The following CEP55 variants were observed in gnomAD, a reference collection of about 807,000 sequenced individuals.
CEP55 encodes centrosomal protein 55.
In CEP55, 57 loss-of-function variants were observed where a neutral mutation model predicts 63.2. The ratio of observed to expected loss-of-function variants is 0.90; its 90% confidence interval spans 0.73 to 1.13. CEP55 has a LOEUF of 1.13. Among genes scored for constraint, CEP55 ranks in the 50% most tolerant of loss-of-function variants. The pLI is 0.00. For missense variants in CEP55, 456 were observed against 518.9 expected, an observed-to-expected ratio of 0.88 and a Z score of 1.18; for synonymous variants, 178 against 191.6, an observed-to-expected ratio of 0.93 and a Z score of 0.59.
intron 4 of CEP55, among the ~76,000 whole-genome samples, chr10:93,508,288 C>T (rs2057708998): frequency 6.6e-6 from 1 of 152,064 alleles, no homozygotes. Context: ...AGTATTAGGT[C>T]AGTATGTTGG....
intron 3 of CEP55, among the ~76,000 whole-genome samples, chr10:93,503,927 G>T (rs2134459920): frequency 6.6e-6 from 1 of 150,932 alleles, no homozygotes; most frequent in East Asian, 1.9e-4. Flanking sequence ...TATAGCCTTA[G>T]AGACAATACT....
chr10:93,503,065 G>T, intron 2 of CEP55, 48 bp from the exon 3 acceptor site: 9 of 1,524,686 alleles, frequency 5.9e-6, no homozygotes, highest in Non-Finnish European at 8.0e-6. Flanking sequence ...TGTTTAGCTA[G>T]ATGTTTGACC....
chr10:93,509,263 T>G (rs1425049789), intron 4 of CEP55, among the ~76,000 whole-genome samples: 1 of 152,172 alleles, frequency 6.6e-6, no homozygotes, highest in Non-Finnish European at 1.5e-5. Context: ...GGTCACATTG[T>G]GCTTGTCTCC....
chr10:93,504,209 A>G (rs2057664715), intron 3 of CEP55, among the ~76,000 whole-genome samples: 1 of 152,210 alleles, frequency 6.6e-6, no homozygotes, highest in African/African-American at 2.4e-5. Context: ...ATGGTGGCTC[A>G]CGCCTATAAT....
intron 8 of CEP55, among the ~76,000 whole-genome samples, chr10:93,521,807 C>T (rs971998973): frequency 3.3e-5 from 5 of 152,210 alleles, no homozygotes; most frequent in Non-Finnish European, 5.9e-5. Context: ...TGTTCTGCAG[C>T]CTCCGCTGCT....
At chr10:93,508,621 C>T (rs1235828471) in intron 4 of CEP55, among the ~76,000 whole-genome samples, 1 of 152,178 alleles carries the variant, frequency 6.6e-6, no homozygotes, top group Non-Finnish European at 1.5e-5. Flanking sequence ...TTATTTACTC[C>T]ACCTGCACCA....
Position 93,527,977 on chromosome 10 carries a change from G to A in CEP55, c.1219G>A (p.Glu407Lys). 6.2e-7 allele frequency: 1 copy of A among 1,613,696 alleles called. No homozygotes were observed. Among genetic ancestry groups the A allele is most frequent in the African/African-American group, 1.3e-5 (1 of 74,910 alleles). The change falls in exon 9 of 9, where the codon GAG (glutamate) becomes AAG (lysine). Residue 407 changes from glutamate (E) to lysine (K), a missense_variant. By Grantham distance (56) the Glu-to-Lys change is moderately conservative. Coordinates refer to ENST00000371485, the MANE Select transcript of CEP55 (RefSeq NM_018131.5). The stretch of plus-strand genomic sequence containing the variant: ...ACAGCTTCATGAGTTTGCCATCACA[G>A]AGCCATTAGTCACTTTCCAAGGAGA... ...LKQLHEFAITEPLVTFQGETE... is the reference protein window; with the variant it reads ...LKQLHEFAITKPLVTFQGETE...
intron 8 of CEP55, among the ~76,000 whole-genome samples, chr10:93,525,912 C>G (rs1349005142): frequency 2.0e-5 from 3 of 152,090 alleles, no homozygotes; most frequent in Non-Finnish European, 2.9e-5. Context: ...GGATCCCTTC[C>G]TTACACCTTA....
chr10:93,523,014 G>GA (rs1179506595), intron 8 of CEP55, among the ~76,000 whole-genome samples: 1 of 152,156 alleles, frequency 6.6e-6, no homozygotes, highest in Non-Finnish European at 1.5e-5. Context: ...TCGAGGCTAG[G>GA]AAAAAACTGC....
chr10:93,501,096 A>G (rs2057631029), intron 2 of CEP55, among the ~76,000 whole-genome samples: 1 of 152,222 alleles, frequency 6.6e-6, no homozygotes, highest in African/African-American at 2.4e-5. Flanking sequence ...TGTCCATTTC[A>G]GAGTATTAAA....
chr10:93,499,763 ACCCATCTTGACC>A (rs962008200), intron 1 of CEP55, among the ~76,000 whole-genome samples: 2 of 151,544 alleles, frequency 1.3e-5, no homozygotes, highest in Non-Finnish European at 2.9e-5. Context: ...CTCATGATCC[ACCCATCTTGACC>A]TCCCAAAGTG....
rs917708091 is a variant in CEP55 at position 93,506,899 on chromosome 10, G to A, written c.460-89G>A. The A allele has an allele frequency of 9.5e-5, 83 of 873,170 alleles. 1 individual carries two copies. The highest frequency in any genetic ancestry group is 6.6e-5 in the South Asian group (5 of 75,450). The allele number at this position is 873,170 out of a possible 1,614,324, so 54.1% of individuals were successfully genotyped here. On this transcript the variant is annotated intron_variant, in intron 3 of 8. Coordinates refer to ENST00000371485, the MANE Select transcript of CEP55 (RefSeq NM_018131.5). ...TAGATCTGGATTTCGGGATGCCCCC[G>A]TGAGTTATACTGTATTATTATGGTG... is the stretch of plus-strand genomic sequence containing the variant.
rs753598562 is a variant in CEP55 at position 93,503,300 on chromosome 10, A to G, written c.371A>G (p.Glu124Gly). The G allele has an allele frequency of 2.0e-5, 32 of 1,614,104 alleles. No homozygotes were observed. The highest frequency in any genetic ancestry group is 2.4e-5 in the Non-Finnish European group (28 of 1,180,044). ...REQVLKALSEEKDVLKQQLSA... is the reference protein window; with the variant it reads ...REQVLKALSEGKDVLKQQLSA... ...CAGGTGTTGAAAGCCTTATCTGAAG[A>G]GAAAGACGTATTGAAACAACAGTTG... Residue 124 changes from glutamate (E) to glycine (G), a missense_variant, in exon 3 of 9, where the codon GAG becomes GGG. Coordinates refer to ENST00000371485, the MANE Select transcript of CEP55 (RefSeq NM_018131.5).
chr10:93,497,458 G>A (rs1183490868), intron 1 of CEP55, among the ~76,000 whole-genome samples: 1 of 151,810 alleles, frequency 6.6e-6, no homozygotes, highest in Non-Finnish European at 1.5e-5. Context: ...TAGAGACAGG[G>A]TTTCGCCATG....
At chr10:93,503,486 G>T in intron 3 of CEP55, 98 bp downstream of exon 3, 2 of 1,192,468 alleles carry the variant, frequency 1.7e-6, no homozygotes, top group South Asian at 3.0e-5. Context: ...CTTCCCAAAT[G>T]ATGAGACAAA....
In CEP55 at chr10:93,514,772, T is replaced by G. The variant is rs1452465892; in HGVS notation, c.529-633T>G. ...ATGCAGCTGGGCAGAGATCCTCTTT[T>G]TTTTGTTTGTTTTTTTGAGAGACGC... On this transcript the variant is annotated intron_variant, in intron 4 of 8. Transcript: ENST00000371485. Among the ~76,000 whole-genome samples, 5 of 152,216 alleles carry G rather than the reference T, an allele frequency of 3.3e-5. No homozygotes were observed. In the East Asian group the frequency reaches 9.7e-4, roughly 29 times the overall value.
At chr10:93,519,388 T>G (rs2134489153) in intron 7 of CEP55, among the ~76,000 whole-genome samples, 1 of 152,330 alleles carries the variant, frequency 6.6e-6, no homozygotes, top group East Asian at 1.9e-4. Context: ...TCTCTTTCCC[T>G]TCTCCTTCTT....
chr10:93,527,909 G>T, intron 8 of CEP55, 41 bp from the exon 9 acceptor site: 4 of 1,522,034 alleles, frequency 2.6e-6, no homozygotes, highest in Admixed American at 1.8e-5. Flanking sequence ...CTGAACATTG[G>T]CCCTATTTAC....
chr10:93,518,174 G>T (rs930784827), intron 6 of CEP55, among the ~76,000 whole-genome samples: 2 of 151,838 alleles, frequency 1.3e-5, no homozygotes, highest in African/African-American at 4.8e-5. Context: ...TTCTGAGACA[G>T]GGTCTTGCTC....
Sources: allele counts gnomAD v4.1 joint callset (sites outside exome capture counted in the v4.1 genomes callset), GRCh38; gene constraint gnomAD v4.1.1; transcripts MANE v1.5; gene names NCBI Gene and HGNC (gene_info 2026-07-23, HGNC 2026-07-21).